AXDND1: variants seen among roughly 807,000 people sequenced by gnomAD.
AXDND1 encodes the protein axonemal dynein light chain domain containing 1.
A neutral mutation model predicts 137.5 loss-of-function variants in AXDND1; 110 were observed. The ratio of observed to expected loss-of-function variants is 0.80; its 90% CI spans 0.69 to 0.94. The LOEUF (loss-of-function observed/expected upper bound fraction) is 0.94, where lower values mean the gene tolerates loss of function less well. Ranked by LOEUF, AXDND1 falls within the 40% of genes least tolerant of loss-of-function variation. The probability of loss-of-function intolerance (pLI) is 0.00; values close to 1 mark genes in which losing one functional copy is unlikely to be tolerated. For synonymous variants in AXDND1, 414 were observed against 399.7 expected (o/e 1.04, Z -0.43); for missense variants, 1,191 against 1,169.8 (o/e 1.02, Z -0.26).
In AXDND1 at chr1:179,445,169, A is replaced by G; in HGVS notation, c.1763A>G (p.Tyr588Cys). The G allele has an allele frequency of 6.2e-7, 1 of 1,605,536 alleles. No individual in the cohort carries two copies. Among genetic ancestry groups the G allele is most frequent in the Non-Finnish European group, 8.5e-7 (1 of 1,174,904 alleles). ...EEIIKNIQKL[Y>C]KEYEIRINGD... ...ATTATCAAAAACATACAAAAACTCT[A>G]CAAAGAATATGAAATAAGAATAAAT... The change falls in exon 16 of 26, where the codon TAC (tyrosine) becomes TGC (cysteine). Residue 588 changes from tyrosine (Y) to cysteine (C), a missense_variant. Coordinates refer to ENST00000367618, the MANE Select transcript of AXDND1 (RefSeq NM_144696.6).
intron 12 of AXDND1, among the ~76,000 whole-genome samples, chr1:179,424,986 T>C (rs1656341113): frequency 6.6e-6 from 1 of 152,170 alleles, no homozygotes; most frequent in Admixed American, 6.5e-5. Context: ...TTCTTAAAAC[T>C]GTAGTTTTGA....
intron 21 of AXDND1, among the ~76,000 whole-genome samples, chr1:179,523,626 A>G (rs1232287609): frequency 1.3e-5 from 2 of 152,190 alleles, no homozygotes; most frequent in African/African-American, 4.8e-5. Flanking sequence ...AAATGGAATT[A>G]TATAATATGT....
intron 21 of AXDND1, among the ~76,000 whole-genome samples, chr1:179,514,274 A>AT: frequency 6.6e-6 from 1 of 151,984 alleles, no homozygotes; most frequent in East Asian, 1.9e-4. Flanking sequence ...TAGTGTCATT[A>AT]TTGTTGTTCA....
Position 179,383,439 on chromosome 1 carries a change from T to C in AXDND1, c.639-3T>C. On this transcript the variant is annotated splice_region_variant and splice_polypyrimidine_tract_variant and intron_variant, in intron 7 of 25. Coordinates refer to ENST00000367618, the MANE Select transcript of AXDND1 (RefSeq NM_144696.6). ...GCATAAGTCTGCCACCTTAATTTTT[T>C]AGGAAACCTAATAAAAGAGTAGAAG... 6.2e-7 allele frequency: 1 copy of C among 1,611,106 alleles called. No individual in the cohort carries two copies. Among genetic ancestry groups the C allele is most frequent in the South Asian group, 1.1e-5 (1 of 90,962 alleles).
chr1:179,514,392 T>G (rs566066712), intron 21 of AXDND1, among the ~76,000 whole-genome samples: 66 of 152,264 alleles, frequency 4.3e-4, no homozygotes, highest in African/African-American at 1.5e-3. Flanking sequence ...AGGTTCCTTT[T>G]GGAGTTGATT....
intron 1 of AXDND1, 148 bp downstream of exon 1, chr1:179,366,148 C>T (rs1667367932): frequency 6.0e-6 from 1 of 166,572 alleles, no homozygotes; most frequent in African/African-American, 2.4e-5. Flanking sequence ...AGCCGAGCCG[C>T]CTGCAGCGAG....
At chr1:179,388,874 G>C (rs1000557808) in intron 9 of AXDND1, among the ~76,000 whole-genome samples, 1 of 151,832 alleles carries the variant, frequency 6.6e-6, no homozygotes, top group Non-Finnish European at 1.5e-5. Flanking sequence ...GGGATAACAG[G>C]TGTGAGCCAC....
intron 23 of AXDND1, among the ~76,000 whole-genome samples, chr1:179,530,508 C>T (rs1380784570): frequency 6.6e-6 from 1 of 152,182 alleles, no homozygotes; most frequent in Non-Finnish European, 1.5e-5. Flanking sequence ...TAGGAGCCTG[C>T]AGCCTGGGAC....
At chr1:179,478,022 C>G (rs1252814157) in intron 17 of AXDND1, among the ~76,000 whole-genome samples, 1 of 152,194 alleles carries the variant, frequency 6.6e-6, no homozygotes, top group Admixed American at 6.5e-5. Flanking sequence ...CTCCATGTCT[C>G]ACATCTGGGT....
intron 18 of AXDND1, among the ~76,000 whole-genome samples, chr1:179,485,456 A>G (rs1175002721): frequency 6.6e-6 from 1 of 152,196 alleles, no homozygotes; most frequent in Non-Finnish European, 1.5e-5. Flanking sequence ...TCTTCCAGAA[A>G]TGAAGCAGGT....
intron 20 of AXDND1, among the ~76,000 whole-genome samples, chr1:179,500,579 T>A (rs924689304): frequency 3.9e-5 from 6 of 152,170 alleles, no homozygotes; most frequent in Non-Finnish European, 1.5e-5. Flanking sequence ...AAAGATTCTA[T>A]ATTGTAAAGA....
In AXDND1 at chr1:179,552,690, G is replaced by T. The variant is rs775451140; in HGVS notation, c.3032-1822G>T. On this transcript the variant is annotated intron_variant, in intron 25 of 25. Transcript: ENST00000367618. ...GCAACCTCACATCTTTACTGAAAAAGAAAGAATGCAGGTATGTAGGTGTGC... is the reference window on the plus strand; with the variant it reads ...GCAACCTCACATCTTTACTGAAAAATAAAGAATGCAGGTATGTAGGTGTGC... 6 of 1,610,746 alleles carry T rather than the reference G, an allele frequency of 3.7e-6. No individual in the cohort carries two copies. The highest frequency in any genetic ancestry group is 1.7e-5 in the Admixed American group (1 of 59,950).
intron 20 of AXDND1, among the ~76,000 whole-genome samples, chr1:179,497,559 T>G (rs1288547426): frequency 6.6e-6 from 1 of 152,072 alleles, no homozygotes; most frequent in African/African-American, 2.4e-5. Context: ...CGTACTGAAT[T>G]CAGGGCAAAA....
intron 20 of AXDND1, among the ~76,000 whole-genome samples, chr1:179,499,333 T>C (rs556313697): frequency 1.4e-5 from 2 of 145,218 alleles, no homozygotes; most frequent in East Asian, 4.1e-4. Flanking sequence ...GTCAGTAATA[T>C]ATTGTGATGT....
In AXDND1 at chr1:179,509,322, A is replaced by T. The variant is rs1219427984; in HGVS notation, c.2415A>T (p.Thr805=). 3 of 1,612,012 alleles carry T rather than the reference A, an allele frequency of 1.9e-6. No individual in the cohort carries two copies. In the Admixed American group the frequency reaches 5.0e-5, roughly 27 times the overall value. The part of the protein sequence containing the change: ...LKKECYEWIN[T]CSCLLSNIKG... ...AAGAATGTTATGAATGGATCAACAC[A>T]TGCTCTTGCCTCCTTTCTAATATCA... Residue 805 remains threonine, a synonymous_variant, in exon 21 of 26, where the codon ACA becomes ACT. Coordinates refer to ENST00000367618, the MANE Select transcript of AXDND1 (RefSeq NM_144696.6).
intron 16 of AXDND1, chr1:179,447,830 T>A: frequency 7.7e-7 from 1 of 1,296,806 alleles, no homozygotes; most frequent in Non-Finnish European, 1.1e-6. Flanking sequence ...AAGTCTGTAG[T>A]GCCCAACATC....
chr1:179,396,415 C>T (rs12753971), intron 11 of AXDND1, among the ~76,000 whole-genome samples: 44,267 of 151,722 alleles, frequency 0.29, 6,653 homozygotes, highest in Non-Finnish European at 0.31. Flanking sequence ...TTTGGGAGGC[C>T]GAGGTGGGTG....
At chr1:179,480,115 G>C (rs1030995014) in intron 17 of AXDND1, among the ~76,000 whole-genome samples, 1 of 152,128 alleles carries the variant, frequency 6.6e-6, no homozygotes, top group African/African-American at 2.4e-5. Flanking sequence ...TTCCAAGGTC[G>C]CTCCCACATT....
chr1:179,377,579 T>A lies in AXDND1; in HGVS notation c.375-1058T>A, dbSNP rs562331947. Among the ~76,000 whole-genome samples, 11 of 152,280 alleles carry A rather than the reference T, an allele frequency of 7.2e-5. No individual in the cohort carries two copies. The East Asian group carries it at 2.1e-3, about 29-fold the overall frequency. ...GCCCACATCTTGGTTATCAGAGGATTTTTTTCTCCACTTTTCTGTATTTTG... is the reference window on the plus strand; with the variant it reads ...GCCCACATCTTGGTTATCAGAGGATATTTTTCTCCACTTTTCTGTATTTTG... On this transcript the variant is annotated intron_variant, in intron 4 of 25. Transcript: ENST00000367618.
Sources: allele counts gnomAD v4.1 joint callset (sites outside exome capture counted in the v4.1 genomes callset), GRCh38; gene constraint gnomAD v4.1.1; transcripts MANE v1.5; gene names NCBI Gene and HGNC (gene_info 2026-07-23, HGNC 2026-07-21).